Variants in CEMIP observed in about 807,000 individuals in gnomAD.
The protein encoded by CEMIP is cell migration-inducing and hyaluronan-binding protein.
CEMIP carries 105 observed loss-of-function variants against 156.9 expected under a neutral mutation model. The ratio of observed to expected loss-of-function variants is 0.67; its 90% CI spans 0.57 to 0.79. The LOEUF (loss-of-function observed/expected upper bound fraction) is 0.79, where lower values mean the gene tolerates loss of function less well. Among genes scored for constraint, CEMIP ranks in the 30% least tolerant of loss-of-function variants. The pLI, the probability that CEMIP is intolerant of heterozygous loss-of-function variation, is 0.00. For missense variants in CEMIP, 1,457 were observed against 1,769.4 expected (o/e 0.82, Z 3.17); for synonymous variants, 676 against 668.4 (o/e 1.01, Z -0.17).
chr15:80,817,549 G>C (rs571529172), intron 1 of CEMIP, among the ~76,000 whole-genome samples: 1 of 151,212 alleles, frequency 6.6e-6, no homozygotes, highest in South Asian at 2.1e-4. Context: ...TGTGGTGAGC[G>C]GTGATTGCAT....
chr15:80,930,131 TTCTACTACTAGAG>T (rs1900851686), intron 21 of CEMIP, among the ~76,000 whole-genome samples: 2 of 152,260 alleles, frequency 1.3e-5, no homozygotes, highest in South Asian at 4.1e-4. Context: ...AAGATATAAT[TTCTACTACTAGAG>T]TCAGGACACA....
At chr15:80,861,352 G>T (rs1347382172) in intron 1 of CEMIP, among the ~76,000 whole-genome samples, 1 of 152,084 alleles carries the variant, frequency 6.6e-6, no homozygotes, top group East Asian at 1.9e-4. Flanking sequence ...ATGCTTTCAG[G>T]ATAAAATCCA....
At chr15:80,924,510 C>G (rs1486573724) in intron 17 of CEMIP, 111 bp from the exon 18 acceptor site, 4 of 897,398 alleles carry the variant, frequency 4.5e-6, no homozygotes, top group Non-Finnish European at 7.3e-6. Flanking sequence ...AGCCTGAGAA[C>G]AGAGCTGGTT....
chr15:80,804,490 C>G (rs1006482304), intron 1 of CEMIP, among the ~76,000 whole-genome samples: 2 of 152,210 alleles, frequency 1.3e-5, no homozygotes, highest in Admixed American at 6.5e-5. Flanking sequence ...GGAAGGTTGA[C>G]TCTTCTGAAC....
At chr15:80,925,584 C>T (rs1400982705) in intron 18 of CEMIP, 40 bp from the exon 19 acceptor site, 2 of 1,606,790 alleles carry the variant, frequency 1.2e-6, no homozygotes, top group South Asian at 2.2e-5. Context: ...GGCGTGCCCC[C>T]AACACCGCCA....
intron 1 of CEMIP, among the ~76,000 whole-genome samples, chr15:80,795,316 C>CA (rs1330972456): frequency 6.6e-6 from 1 of 151,890 alleles, no homozygotes; most frequent in Non-Finnish European, 1.5e-5. Context: ...CAATAGTTAG[C>CA]AAAAATAAAT....
At chr15:80,833,947 G>C (rs1020677664) in intron 1 of CEMIP, among the ~76,000 whole-genome samples, 6 of 152,200 alleles carry the variant, frequency 3.9e-5, no homozygotes, top group Admixed American at 3.3e-4. Context: ...TGGGATTACA[G>C]ACGTGAGTCA....
chr15:80,836,574 C>A (rs1419838533), intron 1 of CEMIP, among the ~76,000 whole-genome samples: 1 of 151,902 alleles, frequency 6.6e-6, no homozygotes, highest in East Asian at 1.9e-4. Flanking sequence ...GTTCCTTTTG[C>A]CATAGCGTCC....
At chr15:80,846,628 A>C (rs1245261325) in intron 1 of CEMIP, among the ~76,000 whole-genome samples, 5 of 152,196 alleles carry the variant, frequency 3.3e-5, no homozygotes, top group Non-Finnish European at 7.3e-5. Context: ...GCTTAGAGAC[A>C]GTGTCATCTC....
chr15:80,937,951 A>C lies in CEMIP; in HGVS notation c.3379A>C (p.Ser1127Arg). ...AGTGGAGCAGAGCTACCCTGGCAGG[A>C]GCCACTACTACTGGGACGAGGACTC... Reference protein sequence around the residue: ...DKVEQSYPGRSHYYWDEDSGL... With the variant: ...DKVEQSYPGRRHYYWDEDSGL... Residue 1127 changes from serine to arginine, a missense_variant, in exon 25 of 30, where the codon AGC becomes CGC. This residue lies in a region of CEMIP where 798 missense variants were observed against 980.1 expected (regional missense o/e 0.81). Coordinates refer to ENST00000394685, the MANE Select transcript of CEMIP (RefSeq NM_001293298.2). The C allele has an allele frequency of 6.2e-7, 1 of 1,614,154 alleles. No homozygotes were observed. The highest frequency in any genetic ancestry group is 1.1e-5 in the South Asian group (1 of 91,072).
At chr15:80,795,840 G>A (rs1409305285) in intron 1 of CEMIP, among the ~76,000 whole-genome samples, 1 of 152,132 alleles carries the variant, frequency 6.6e-6, no homozygotes, top group Non-Finnish European at 1.5e-5. Flanking sequence ...TAAGGCAGGA[G>A]GATCATTTGA....
intron 18 of CEMIP, 99 bp from the exon 19 acceptor site, chr15:80,925,525 G>C: frequency 2.0e-6 from 3 of 1,522,282 alleles, no homozygotes. Context: ...GCCTTCCTGG[G>C]CACTGTGAGT....
At chr15:80,945,057 C>T (rs1901491059) in intron 28 of CEMIP, among the ~76,000 whole-genome samples, 1 of 152,224 alleles carries the variant, frequency 6.6e-6, no homozygotes, top group Admixed American at 6.5e-5. Flanking sequence ...TAGCCTGGCC[C>T]ATGCTTCCTA....
chr15:80,838,629 G>A (rs1386492444), intron 1 of CEMIP, among the ~76,000 whole-genome samples: 2 of 152,072 alleles, frequency 1.3e-5, no homozygotes, highest in Admixed American at 6.5e-5. Flanking sequence ...TCACTAGTCA[G>A]GAGGTCCTTG....
chr15:80,879,324 T>G (rs907712984), intron 4 of CEMIP, among the ~76,000 whole-genome samples: 2 of 152,204 alleles, frequency 1.3e-5, no homozygotes, highest in African/African-American at 4.8e-5. Context: ...CATGTACAGA[T>G]TTTTCCTTGT....
chr15:80,933,018 G>A (rs1900981304), intron 22 of CEMIP, among the ~76,000 whole-genome samples: 1 of 152,184 alleles, frequency 6.6e-6, no homozygotes, highest in South Asian at 2.1e-4. Flanking sequence ...GTGAGCAGAG[G>A]CCAAAAGCAT....
chr15:80,854,235 A>G (rs941323590), intron 1 of CEMIP, among the ~76,000 whole-genome samples: 10 of 152,386 alleles, frequency 6.6e-5, no homozygotes, highest in Admixed American at 3.3e-4. Context: ...AACACGGCCG[A>G]CTAGAGCTGA....
At chr15:80,782,060 C>A (rs913203011) in intron 1 of CEMIP, among the ~76,000 whole-genome samples, 58 of 152,284 alleles carry the variant, frequency 3.8e-4, no homozygotes, top group African/African-American at 1.3e-3. Context: ...AATGGAAGAA[C>A]TTTTATGTGA....
intron 14 of CEMIP, among the ~76,000 whole-genome samples, chr15:80,911,117 G>C (rs551191492): frequency 1.5e-4 from 23 of 152,260 alleles, no homozygotes; most frequent in African/African-American, 4.8e-4. Context: ...TACCCTACAT[G>C]GTTGCTTCCA....
Sources: allele counts gnomAD v4.1 joint callset (sites outside exome capture counted in the v4.1 genomes callset), GRCh38; gene constraint gnomAD v4.1.1; regional missense constraint gnomAD v4.1.1; transcripts MANE v1.5; gene names NCBI Gene and HGNC (gene_info 2026-07-23, HGNC 2026-07-21).